BRI3: variants seen among roughly 807,000 people sequenced by gnomAD.
BRI3 encodes the protein membrane protein BRI3.
BRI3 carries 6 observed loss-of-function variants against 12.8 expected under a neutral mutation model. The observed-to-expected ratio is 0.47, with a 90% CI of 0.26 to 0.93. BRI3 has a LOEUF of 0.93. BRI3 is among the 40% of genes least tolerant of loss of function. BRI3 has a pLI of 0.15. For missense variants in BRI3, 134 were observed against 171.1 expected (o/e 0.78, Z 1.21); for synonymous variants, 91 against 76.1 (o/e 1.20, Z -1.02).
At chr7:98,292,785 G>T, downstream of BRI3, 1 of 1,545,282 alleles carries the variant, frequency 6.5e-7, no homozygotes, top group Non-Finnish European at 8.7e-7. Flanking sequence ...ACAAGGAGCC[G>T]TGACTCCGAC....
chr7:98,304,885 G>A (rs548998450), upstream of BRI3, among the ~76,000 whole-genome samples: 1 of 138,054 alleles, frequency 7.2e-6, no homozygotes, highest in South Asian at 2.3e-4. Flanking sequence ...TTTTTTTTGA[G>A]ATGGGGTTTC....
At position 98,282,283 on chromosome 7, in the gene BRI3, A is replaced by G. The variant is rs909018880; in HGVS notation, c.143-68A>G. 3 of 1,319,984 alleles carry G rather than the reference A, an allele frequency of 2.3e-6. No homozygotes were observed. In the South Asian group the frequency reaches 3.7e-5, roughly 16 times the overall value. The allele number at this position is 1,319,984 out of a possible 1,614,324, so 81.8% of individuals were successfully genotyped here. On this transcript the variant is annotated intron_variant, in intron 1 of 2. Coordinates refer to ENST00000297290, the MANE Select transcript of BRI3 (RefSeq NM_015379.5). ...GCGGGGTGGAGGTTGAGGGGACAGG[A>G]TGAGTAGTCCCCGTGGCGGTCCGAT...
At chr7:98,317,876 G>A in the BRI3 span, among the ~76,000 whole-genome samples, 1 of 139,242 alleles carries the variant, frequency 7.2e-6, no homozygotes, top group Non-Finnish European at 1.5e-5. Flanking sequence ...CCCTCACTCT[G>A]CAGTTCACAC....
chr7:98,293,607 T>C (rs201956781), downstream of BRI3: 5 of 1,611,318 alleles, frequency 3.1e-6, no homozygotes, highest in Middle Eastern at 1.7e-4. Flanking sequence ...CTGCAGGGGA[T>C]AAGAAAAATC....
downstream of BRI3, among the ~76,000 whole-genome samples, chr7:98,311,458 G>A (rs1379470295): frequency 1.3e-5 from 2 of 151,048 alleles, no homozygotes; most frequent in South Asian, 2.1e-4. Context: ...GCAGAATGGC[G>A]TGAACCCAGG....
downstream of BRI3, among the ~76,000 whole-genome samples, chr7:98,312,847 C>T (rs577184172): frequency 6.6e-6 from 1 of 152,170 alleles, no homozygotes; most frequent in Non-Finnish European, 1.5e-5. Context: ...GGGGTGAGAA[C>T]CCGCAACCCT....
chr7:98,295,232 T>G (rs1454443217), downstream of BRI3, among the ~76,000 whole-genome samples: 3 of 152,128 alleles, frequency 2.0e-5, no homozygotes, highest in Admixed American at 2.0e-4. Flanking sequence ...GCATGTTGGG[T>G]GTACAGGCTG....
the BRI3 span, among the ~76,000 whole-genome samples, chr7:98,319,216 A>G: frequency 6.6e-6 from 1 of 152,112 alleles, no homozygotes; most frequent in African/African-American, 2.4e-5. Context: ...TAAGTACTCT[A>G]TAGAGCAAGG....
exon 2 of BRI3, chr7:98,309,469 C>T (rs1261919605): frequency 1.3e-5 from 2 of 151,876 alleles, no homozygotes; most frequent in African/African-American, 4.8e-5. Flanking sequence ...CAGCAATTTT[C>T]ATTCTGCTTT....
At chr7:98,317,070 C>T in the BRI3 span, 2 of 962,416 alleles carry the variant, frequency 2.1e-6, no homozygotes, top group Admixed American at 2.3e-5. Context: ...CCAGGCTGGT[C>T]TCGAACTCCT....
upstream of BRI3, among the ~76,000 whole-genome samples, chr7:98,301,824 G>C (rs1488477474): frequency 6.6e-6 from 1 of 152,162 alleles, no homozygotes; most frequent in Non-Finnish European, 1.5e-5. Flanking sequence ...GCTCGCGGGT[G>C]TGAGCTGAGA....
At chr7:98,319,508 C>G in the BRI3 span, among the ~76,000 whole-genome samples, 1 of 150,838 alleles carries the variant, frequency 6.6e-6, no homozygotes, top group Non-Finnish European at 1.5e-5. Flanking sequence ...ACAATGCTTT[C>G]TGGAAGCAGT....
At chr7:98,315,712 G>T in the BRI3 span, 2 of 509,336 alleles carry the variant, frequency 3.9e-6, no homozygotes, top group Non-Finnish European at 5.8e-6. Flanking sequence ...CTTTACACCT[G>T]CTTTATTTGA....
chr7:98,287,811 C>T (rs557882396), intron 2 of BRI3, among the ~76,000 whole-genome samples: 9 of 152,234 alleles, frequency 5.9e-5, no homozygotes, highest in Non-Finnish European at 1.2e-4. Context: ...CCCACCCCTG[C>T]CCATTGCACC....
At chr7:98,300,551 T>G (rs1800379030) in intron 1 of BRI3, among the ~76,000 whole-genome samples, 1 of 152,184 alleles carries the variant, frequency 6.6e-6, no homozygotes, top group Non-Finnish European at 1.5e-5. Context: ...GGCTGAGATT[T>G]CAGAACTGGG....
intron 1 of BRI3, among the ~76,000 whole-genome samples, 192 bp from the exon 2 acceptor site, chr7:98,282,159 A>C (rs1799540141): frequency 6.6e-6 from 1 of 152,112 alleles, no homozygotes; most frequent in Admixed American, 6.5e-5. Context: ...CCTGCCCCAG[A>C]TGAACTTTGT....
intron 2 of BRI3, among the ~76,000 whole-genome samples, chr7:98,284,951 G>T (rs1400495575): frequency 6.6e-6 from 1 of 152,176 alleles, no homozygotes; most frequent in Admixed American, 6.5e-5. Context: ...TTTGCTGGGG[G>T]TGTGGTTGTA....
exon 1 of BRI3, chr7:98,306,605 A>G (rs1206226384): frequency 3.2e-6 from 5 of 1,585,008 alleles, no homozygotes; most frequent in Non-Finnish European, 4.3e-6. Flanking sequence ...CTCAGGGCAG[A>G]CAGGTCCACT....
At chr7:98,292,585 G>A (rs2116762708), downstream of BRI3, 4 of 1,519,400 alleles carry the variant, frequency 2.6e-6, no homozygotes, top group East Asian at 2.5e-5. Flanking sequence ...ATACCATAGG[G>A]CCAGGTTCCG....
Sources: gnomAD v4.1 joint callset for allele counts (sites outside exome capture counted in the v4.1 genomes callset) on GRCh38, gnomAD v4.1.1 for gene constraint, MANE v1.5 for transcripts, NCBI Gene and HGNC (gene_info 2026-07-23, HGNC 2026-07-21) for gene names.